DAGLA: variants seen among roughly 807,000 people sequenced by gnomAD.
DAGLA encodes diacylglycerol lipase alpha.
In DAGLA, 22 loss-of-function variants were observed where a neutral mutation model predicts 102.6. That is an observed-to-expected ratio of 0.21 (90% CI 0.15 to 0.31). DAGLA has a LOEUF of 0.31. Ranked by LOEUF, DAGLA falls within the 10% of genes least tolerant of loss-of-function variation. The pLI, the probability that DAGLA is intolerant of heterozygous loss-of-function variation, is 1.00. For synonymous variants in DAGLA, 578 were observed against 628.9 expected (o/e 0.92, Z 1.21); for missense variants, 927 against 1,446.6 (o/e 0.64, Z 5.83).
intron 5 of DAGLA, among the ~76,000 whole-genome samples, 162 bp from the exon 6 acceptor site, chr11:61,725,833 C>T (rs978079939): frequency 6.6e-6 from 1 of 152,236 alleles, no homozygotes; most frequent in African/African-American, 2.4e-5. Context: ...CCACTGGCCA[C>T]CAGCTCTGGC....
rs570487515 is a variant in DAGLA at position 61,718,689 on chromosome 11, T to G, written c.-44-1423T>G. Among the ~76,000 whole-genome samples the G allele has an allele frequency of 3.0e-4, 45 of 151,436 alleles. 1 individual carries two copies. In the South Asian group the frequency reaches 9.2e-3, roughly 31 times the overall value. On this transcript the variant is annotated intron_variant, in intron 1 of 19. Coordinates refer to ENST00000257215, the MANE Select transcript of DAGLA (RefSeq NM_006133.3). ...CAGAAGCTGAGCTCCGACTCCTCCT[T>G]GGAGAGAGAGTGGGATGATGTCACT...
At chr11:61,728,569 T>C (rs1167200418) in intron 7 of DAGLA, among the ~76,000 whole-genome samples, 1 of 152,220 alleles carries the variant, frequency 6.6e-6, no homozygotes, top group Non-Finnish European at 1.5e-5. Flanking sequence ...ACAGGCTTAG[T>C]GGACGTGGTG....
chr11:61,704,299 T>C (rs550830423), intron 1 of DAGLA, among the ~76,000 whole-genome samples: 1 of 152,180 alleles, frequency 6.6e-6, no homozygotes, highest in South Asian at 2.1e-4. Flanking sequence ...TTTATGTTTT[T>C]GATAGAGACG....
chr11:61,728,044 G>A (rs948597908), intron 6 of DAGLA, 109 bp from the exon 7 acceptor site: 12 of 1,326,436 alleles, frequency 9.0e-6, no homozygotes, highest in African/African-American at 7.2e-5. Context: ...AGGGGACCCC[G>A]AGCAGACACC....
chr11:61,721,189 T>G (rs563172913), intron 3 of DAGLA, among the ~76,000 whole-genome samples: 1 of 151,812 alleles, frequency 6.6e-6, no homozygotes, highest in Non-Finnish European at 1.5e-5. Flanking sequence ...AGGTCAGGAG[T>G]TCGAGACCAG....
intron 1 of DAGLA, among the ~76,000 whole-genome samples, chr11:61,719,905 C>T (rs1393578053): frequency 6.6e-6 from 1 of 152,172 alleles, no homozygotes; most frequent in Non-Finnish European, 1.5e-5. Flanking sequence ...GGAGAGACTC[C>T]AGGGGGAAGG....
chr11:61,741,854 T>C (rs1350159118), intron 19 of DAGLA, among the ~76,000 whole-genome samples: 2 of 152,064 alleles, frequency 1.3e-5, no homozygotes, highest in African/African-American at 4.8e-5. Context: ...TCAGGTGATC[T>C]GCCCGCCTCA....
Position 61,695,654 on chromosome 11 carries a change from C to T in DAGLA, c.-45+15150C>T, listed in dbSNP as rs541488876. ...GTCCTGCTGTAAGGAGGCTTTGTGC[C>T]TGGCTTTCTGTTCTTCTTGGCTCCT... On this transcript the variant is annotated intron_variant, in intron 1 of 19. Coordinates refer to ENST00000257215, the MANE Select transcript of DAGLA (RefSeq NM_006133.3). Among the ~76,000 whole-genome samples, 5 of 152,360 alleles carry T rather than the reference C, an allele frequency of 3.3e-5. No individual in the cohort carries two copies. In the East Asian group the frequency reaches 5.8e-4, roughly 18 times the overall value.
At chr11:61,726,222 G>T (rs2065325381) in intron 6 of DAGLA, 140 bp downstream of exon 6, 3 of 758,420 alleles carry the variant, frequency 4.0e-6, no homozygotes, top group African/African-American at 1.7e-5. Flanking sequence ...AGTATGGCCT[G>T]CTCACACAGG....
At chr11:61,688,178 G>A (rs1037279306) in intron 1 of DAGLA, among the ~76,000 whole-genome samples, 3 of 152,100 alleles carry the variant, frequency 2.0e-5, no homozygotes, top group Admixed American at 6.5e-5. Context: ...AGCCGGGCAT[G>A]GTGGTGGGTG....
intron 3 of DAGLA, 45 bp from the exon 4 acceptor site, chr11:61,722,814 A>G (rs1431895221): frequency 6.6e-7 from 1 of 1,526,692 alleles, no homozygotes; most frequent in Admixed American, 1.7e-5. Flanking sequence ...CTTCCCTGGC[A>G]TGCAAGTGGC....
Position 61,734,164 on chromosome 11 carries a change from C to T in DAGLA, c.975-685C>T, listed in dbSNP as rs2065402515. Among the ~76,000 whole-genome samples, 1 of 152,034 alleles carries T rather than the reference C, an allele frequency of 6.6e-6. No individual in the cohort carries two copies. The highest frequency in any genetic ancestry group is 1.5e-5 in the Non-Finnish European group (1 of 67,990). Reference sequence around the variant, plus strand: ...CCATGACAGTCCCAGGCAGAGCTGCCAGGGCAGGGGTAGGGGAGGTGAGGG... The same window carrying T: ...CCATGACAGTCCCAGGCAGAGCTGCTAGGGCAGGGGTAGGGGAGGTGAGGG... On this transcript the variant is annotated intron_variant, in intron 9 of 19. Transcript: ENST00000257215. This position sits in a 1 kb window ranked among gnomAD's most constrained non-coding sequence, Gnocchi z 4.2.
intron 1 of DAGLA, among the ~76,000 whole-genome samples, chr11:61,682,702 T>C (rs561070683): frequency 1.3e-5 from 2 of 152,276 alleles, no homozygotes; most frequent in South Asian, 4.2e-4. Flanking sequence ...CCTTTGGCTC[T>C]GGGTTCTGAG....
In DAGLA at chr11:61,741,249, G is replaced by C; in HGVS notation, c.2071G>C (p.Glu691Gln). The change falls in exon 19 of 20, where the codon GAG becomes CAG. Residue 691 changes from glutamate to glutamine, a missense_variant. Physicochemically the swap from Glu to Gln is conservative, Grantham distance 29. Around this residue, in one of 4 missense-constraint regions of DAGLA, gnomAD observed 434 missense variants for 503.3 expected, o/e 0.86. Transcript: ENST00000257215. ...CCCTACCGAGGTGGACCTGACTCCT[G>C]AGCTCATCTTCCAGCAGCAGCCACT... Reference protein sequence around the residue: ...VSPTEVDLTPELIFQQQPLPT... With the variant: ...VSPTEVDLTPQLIFQQQPLPT... The C allele has an allele frequency of 6.2e-7, 1 of 1,613,392 alleles. No individual in the cohort carries two copies. The highest frequency in any genetic ancestry group is 8.5e-7 in the Non-Finnish European group (1 of 1,180,016).
At chr11:61,697,482 G>T (rs950905543) in intron 1 of DAGLA, among the ~76,000 whole-genome samples, 5 of 152,048 alleles carry the variant, frequency 3.3e-5, no homozygotes, top group Admixed American at 6.5e-5. Flanking sequence ...CCATTCCTGC[G>T]CAGGAGCACA....
chr11:61,680,764 A>G (rs1190970563), intron 1 of DAGLA, among the ~76,000 whole-genome samples: 11 of 151,996 alleles, frequency 7.2e-5, no homozygotes, highest in East Asian at 3.9e-4. Context: ...AACGGGTCTC[A>G]GAAGACTCGC....
intron 1 of DAGLA, among the ~76,000 whole-genome samples, chr11:61,691,511 A>G (rs1027393484): frequency 3.3e-5 from 5 of 152,232 alleles, no homozygotes; most frequent in Non-Finnish European, 7.3e-5. Flanking sequence ...CTGTGTCTGC[A>G]GAGCCTGCAG....
intron 1 of DAGLA, among the ~76,000 whole-genome samples, chr11:61,687,843 G>A (rs969106221): frequency 6.6e-6 from 1 of 152,180 alleles, no homozygotes; most frequent in African/African-American, 2.4e-5. Flanking sequence ...AGGAGCATGG[G>A]ACTGCTGGGC....
chr11:61,746,473 C>G lies in DAGLA; in HGVS notation c.*1984C>G, dbSNP rs948583037. 3.4e-4 allele frequency: 52 copies of G among 152,492 alleles called. No individual in the cohort carries two copies. Among genetic ancestry groups the G allele is most frequent in the African/African-American group, 1.1e-3 (47 of 41,444 alleles). The allele number at this position is 152,492 out of a possible 1,614,324, so 9.4% of individuals were successfully genotyped here. ...CTCTAATGTGGGCATGTCGTCCACC[C>G]CAGGACGAGCCATCAGGGACAGACC... On this transcript the variant is annotated 3_prime_UTR_variant, in exon 20 of 20. Transcript: ENST00000257215.
Sources: allele counts gnomAD v4.1 joint callset (sites outside exome capture counted in the v4.1 genomes callset), GRCh38; gene constraint gnomAD v4.1.1; regional missense constraint gnomAD v4.1.1; non-coding constraint Gnocchi (gnomAD v3.1); transcripts MANE v1.5; gene names NCBI Gene and HGNC (gene_info 2026-07-23, HGNC 2026-07-21).